SLC25A18: variants seen among roughly 807,000 people sequenced by gnomAD.
The protein encoded by SLC25A18 is mitochondrial glutamate carrier 2.
Under a neutral mutation model 31.1 loss-of-function variants are expected in SLC25A18, and 24 were observed. That is an observed-to-expected ratio of 0.77 (90% CI 0.56 to 1.08). The LOEUF is 1.08. Ranked by LOEUF, SLC25A18 falls within the 50% of genes least tolerant of loss-of-function variation. The pLI is 0.00. For synonymous variants in SLC25A18, 173 were observed against 161.9 expected (o/e 1.07, Z -0.52); for missense variants, 371 against 418.5 (o/e 0.89, Z 0.99).
At position 17,563,676 on chromosome 22, in the gene SLC25A18, CTG is replaced by C. The variant is rs2056863530; in HGVS notation, c.-300_-299del. 1 of 985,244 alleles carries C rather than the reference CTG, an allele frequency of 1.0e-6. No homozygotes were observed. Among genetic ancestry groups the C allele is most frequent in the Admixed American group, 6.2e-5 (1 of 16,260 alleles). 61.0% of individuals were successfully genotyped at this position (985,244 alleles called of 1,614,324 possible). On this transcript the variant is annotated 5_prime_UTR_variant, in exon 1 of 11. Transcript: ENST00000327451. ...GCCTGGCCCGTGAGTGCCTCAACAA[CTG>C]AGATGAACGTCGACTCGCTTGCAGG...
intron 7 of SLC25A18, chr22:17,583,955 A>T (rs899426619): frequency 1.9e-5 from 12 of 615,430 alleles, no homozygotes; most frequent in Non-Finnish European, 2.4e-5. Flanking sequence ...AAAAAAAAAA[A>T]GTCTTCATTT....
intron 8 of SLC25A18, 80 bp downstream of exon 8, chr22:17,587,381 C>T (rs1035010245): frequency 9.5e-6 from 14 of 1,480,978 alleles, no homozygotes; most frequent in Admixed American, 8.7e-5. Flanking sequence ...CCCTATCTGC[C>T]TCTGTGTCCT....
intron 9 of SLC25A18, 49 bp downstream of exon 9, chr22:17,588,128 G>T (rs753084206): frequency 6.2e-7 from 1 of 1,607,886 alleles, no homozygotes; most frequent in East Asian, 2.2e-5. Flanking sequence ...CAGTAATTTT[G>T]CACTTATAGA....
Position 17,583,487 on chromosome 22 carries a change from G to A in SLC25A18, c.362G>A (p.Cys121Tyr), listed in dbSNP as rs1052332036. 1.2e-6 allele frequency: 2 copies of A among 1,614,100 alleles called. No individual in the cohort carries two copies. Among genetic ancestry groups the A allele is most frequent in the Non-Finnish European group, 1.7e-6 (2 of 1,180,030 alleles). The change falls in exon 7 of 11, where the codon TGT (cysteine) becomes TAT (tyrosine). Residue 121 changes from cysteine (C) to tyrosine (Y), a missense_variant. Transcript: ENST00000327451. ...GGGATGTGCCAGGTCGTGGTGACCT[G>A]TCCCATGGAAATGCTCAAGATTCAG... ...GAGMCQVVVTCPMEMLKIQLQ... is the reference protein window; with the variant it reads ...GAGMCQVVVTYPMEMLKIQLQ...
intron 1 of SLC25A18, among the ~76,000 whole-genome samples, chr22:17,566,484 C>T (rs905692882): frequency 4.6e-5 from 7 of 152,176 alleles, no homozygotes; most frequent in African/African-American, 1.7e-4. Context: ...GCAATCTCGG[C>T]TCACTACAAC....
At chr22:17,584,446 G>GAGAGAGAGAGAGA (rs1555951484) in intron 7 of SLC25A18, among the ~76,000 whole-genome samples, 1 of 116,824 alleles carries the variant, frequency 8.6e-6, no homozygotes, top group African/African-American at 3.4e-5. Context: ...AAGGAAGGAA[G>GAGAGAGAGAGAGA]GAGAGAGAGA....
Position 17,581,071 on chromosome 22 carries a change from G to A in SLC25A18, c.55G>A (p.Gly19Arg), listed in dbSNP as rs573310719. The change falls in exon 4 of 11, where the codon GGG becomes AGG. Residue 19 changes from glycine (G) to arginine (R), a missense_variant. Physicochemically the swap from Gly to Arg is moderately radical, Grantham distance 125. Transcript: ENST00000327451. The stretch of plus-strand genomic sequence containing the variant: ...CAAACTCATCAATGGAGGTGTAGCA[G>A]GGCTCGTGGGGGTGACCTGCGTGTT... ...TAKLINGGVA[G>R]LVGVTCVFPI... 3 of 1,558,468 alleles carry A rather than the reference G, an allele frequency of 1.9e-6. No homozygotes were observed. Among genetic ancestry groups the A allele is most frequent in the Non-Finnish European group, 2.6e-6 (3 of 1,150,152 alleles).
At chr22:17,582,693 GT>G (rs756239159) in intron 6 of SLC25A18, 40 bp downstream of exon 6, 12 of 1,533,904 alleles carry the variant, frequency 7.8e-6, no homozygotes, top group Non-Finnish European at 1.1e-5. Context: ...TTCACTGTGT[GT>G]TTTTTGGGAG....
intron 7 of SLC25A18, among the ~76,000 whole-genome samples, chr22:17,584,329 C>T (rs753567054): frequency 6.8e-6 from 1 of 146,946 alleles, no homozygotes; most frequent in Non-Finnish European, 1.5e-5. Flanking sequence ...GAAGGCAGAG[C>T]TTGCAGTGAG....
chr22:17,588,313 G>A (rs1347429908), intron 9 of SLC25A18: 1 of 488,098 alleles, frequency 2.0e-6, no homozygotes, highest in Non-Finnish European at 3.6e-6. Flanking sequence ...CCCCTCAGAA[G>A]AGTTGTGAGC....
chr22:17,584,616 C>A (rs1185001522), intron 7 of SLC25A18, among the ~76,000 whole-genome samples: 1 of 151,044 alleles, frequency 6.6e-6, no homozygotes, highest in African/African-American at 2.4e-5. Flanking sequence ...CCCGTCTCTA[C>A]TAAAAATACA....
In SLC25A18 at chr22:17,590,122, T is replaced by A; in HGVS notation, c.834T>A (p.Ser278=). Residue 278 remains serine (S), a synonymous_variant, in exon 11 of 11, where the codon TCT becomes TCA. Coordinates refer to ENST00000327451, the MANE Select transcript of SLC25A18 (RefSeq NM_031481.3). ...AACTCTGGATTCAGGAGGGACCATC[T>A]GCCTTCATGAAAGGCGCTGGCTGCC... ...ARKLWIQEGP[S]AFMKGAGCRA... The A allele has an allele frequency of 6.2e-7, 1 of 1,614,212 alleles. No individual in the cohort carries two copies. Among genetic ancestry groups the A allele is most frequent in the Non-Finnish European group, 8.5e-7 (1 of 1,180,048 alleles).
chr22:17,569,407 C>T (rs1283258497), intron 1 of SLC25A18, among the ~76,000 whole-genome samples: 1 of 152,186 alleles, frequency 6.6e-6, no homozygotes, highest in African/African-American at 2.4e-5. Context: ...TAGCCCCCAA[C>T]AAATACATGC....
chr22:17,575,808 T>A (rs9604765), intron 2 of SLC25A18, among the ~76,000 whole-genome samples: 1,563 of 152,322 alleles, frequency 0.01, 7 homozygotes, highest in Non-Finnish European at 0.017. Context: ...CTTCTCAATA[T>A]GATTCAGTTA....
chr22:17,571,163 C>T (rs1376745511), intron 2 of SLC25A18, among the ~76,000 whole-genome samples: 2 of 152,160 alleles, frequency 1.3e-5, no homozygotes, highest in South Asian at 2.1e-4. Flanking sequence ...AGGCAGCCCC[C>T]GCGCCCTTTC....
chr22:17,576,210 T>C (rs9604766), intron 2 of SLC25A18, among the ~76,000 whole-genome samples: 25,422 of 151,640 alleles, frequency 0.17, 2,832 homozygotes, highest in South Asian at 0.36. Flanking sequence ...AAATTAGCCA[T>C]TCGTGGTGGT....
rs2057326480 is a variant in SLC25A18, at chr22:17,579,864, C to T, written c.-81C>T. The T allele has an allele frequency of 6.4e-7, 1 of 1,554,408 alleles. No homozygotes were observed. Among genetic ancestry groups the T allele is most frequent in the Non-Finnish European group, 8.7e-7 (1 of 1,147,704 alleles). On this transcript the variant is annotated 5_prime_UTR_variant, in exon 3 of 11. Transcript: ENST00000327451. The stretch of plus-strand genomic sequence containing the variant: ...GGGGCCAGAGCCAAGGAAGCTTCCA[C>T]TTCTTCCCCCAGACAGCCCCAACAG...
At position 17,587,316 on chromosome 22, in the gene SLC25A18, C is replaced by T. The variant is rs371168779; in HGVS notation, c.575+15C>T. On this transcript the variant is annotated intron_variant, in intron 8 of 10. Coordinates refer to ENST00000327451, the MANE Select transcript of SLC25A18 (RefSeq NM_031481.3). ...ACTCTCCTCAGGTGAGCCTTTCTTCCGGTTCCCTAGGACAAGTGCACGGGG... is the reference window on the plus strand; with the variant it reads ...ACTCTCCTCAGGTGAGCCTTTCTTCTGGTTCCCTAGGACAAGTGCACGGGG... 212 of 1,605,372 alleles carry T rather than the reference C, an allele frequency of 1.3e-4. 2 individuals are homozygous for T. The African/African-American group carries it at 2.3e-3, about 18-fold the overall frequency.
rs765541570 is a variant in SLC25A18 at position 17,583,505 on chromosome 22, A to G, written c.380A>G (p.Lys127Arg). Residue 127 changes from lysine to arginine, a missense_variant, in exon 7 of 11, where the codon AAG becomes AGG. Physicochemically the swap from Lys to Arg is conservative, Grantham distance 26. Transcript: ENST00000327451. ...VVVTCPMEMLKIQLQDAGRLA... is the reference protein window; with the variant it reads ...VVVTCPMEMLRIQLQDAGRLA... ...GTGACCTGTCCCATGGAAATGCTCA[A>G]GATTCAGCTGCAGGATGCTGGACGC... is the stretch of plus-strand genomic sequence containing the variant. 3.7e-6 allele frequency: 6 copies of G among 1,613,914 alleles called. No individual in the cohort carries two copies. In the South Asian group the frequency reaches 5.5e-5, roughly 15 times the overall value.
Sources: allele counts gnomAD v4.1 joint callset (sites outside exome capture counted in the v4.1 genomes callset), GRCh38; gene constraint gnomAD v4.1.1; transcripts MANE v1.5; gene names NCBI Gene and HGNC (gene_info 2026-07-23, HGNC 2026-07-21).